The following FAAH2 variants were observed in gnomAD, a reference collection of about 807,000 sequenced individuals.
The protein encoded by FAAH2 is fatty acid amide hydrolase 2.
In FAAH2, 60 loss-of-function variants were observed where a neutral mutation model predicts 36.9. That is an observed-to-expected ratio of 1.63 (90% CI 1.32 to 2.02). The LOEUF (loss-of-function observed/expected upper bound fraction) is 2.02. FAAH2 is among the 30% of genes most tolerant of loss of function. The pLI, the probability that FAAH2 is intolerant of heterozygous loss-of-function variation, is 0.00. For synonymous variants in FAAH2, 214 were observed against 143.8 expected, an observed-to-expected ratio of 1.49 and a Z score of -3.49; for missense variants, 689 against 397.5, an observed-to-expected ratio of 1.73 and a Z score of -6.23.
the FAAH2 span, among the ~76,000 whole-genome samples, chrX:57,161,813 C>T: frequency 9.0e-6 from 1 of 111,691 alleles, no homozygotes; most frequent in Admixed American, 9.5e-5. Context: ...ACTCTTTATC[C>T]AATTTGCCAG....
At chrX:57,172,838 A>G in the FAAH2 span, among the ~76,000 whole-genome samples, 1 of 111,144 alleles carries the variant, frequency 9.0e-6, no homozygotes, top group Non-Finnish European at 1.9e-5. Context: ...ACGTCCAGCC[A>G]CCTATGTGCT....
the FAAH2 span, among the ~76,000 whole-genome samples, chrX:57,219,863 CT>C: frequency 9.9e-3 from 354 of 35,603 alleles, no homozygotes; most frequent in Non-Finnish European, 0.012. Flanking sequence ...AGCGCCTTGT[CT>C]TTTTTTTTTT....
Position 57,286,893 on chromosome X carries a change from T to G in FAAH2, c.68T>G (p.Leu23Ter), listed in dbSNP as rs561586599. The change falls in exon 1 of 11, where the codon TTA (leucine) becomes TGA (stop). Residue 23 changes from leucine to a stop codon, truncating the protein, a stop_gained. Transcript: ENST00000374900. LOFTEE classifies it high-confidence loss of function. ...CGGGCGCTAGGCTTTCTCATAGGCT[T>G]AGTAGGCCGAGCAGCTTTAGTCTTA... is the stretch of plus-strand genomic sequence containing the variant. ...LLRALGFLIG[L>*]VGRAALVLGG... 5.8e-6 allele frequency: 7 copies of G among 1,202,230 alleles called. No individual in the cohort carries two copies. In the East Asian group the frequency reaches 2.1e-4, roughly 36 times the overall value.
At chrX:57,344,087 A>G (rs1385722702) in intron 5 of FAAH2, among the ~76,000 whole-genome samples, 14 of 108,944 alleles carry the variant, frequency 1.3e-4, no homozygotes, top group Admixed American at 1.2e-3. Flanking sequence ...TTGGCTGTTC[A>G]GATGTATTAT....
chrX:57,217,144 ATTTG>A, the FAAH2 span, among the ~76,000 whole-genome samples: 1 of 106,786 alleles, frequency 9.4e-6, no homozygotes, highest in Non-Finnish European at 1.9e-5. Context: ...TTCCTTACTG[ATTTG>A]TTTGAGTTCG....
chrX:57,482,532 C>G (rs868495249), intron 10 of FAAH2, among the ~76,000 whole-genome samples: 2 of 109,824 alleles, frequency 1.8e-5, no homozygotes, highest in Middle Eastern at 4.7e-3. Context: ...TGAGGCAATG[C>G]CCCACCCTGC....
At chrX:57,407,582 TGA>T (rs1602560905) in intron 7 of FAAH2, among the ~76,000 whole-genome samples, 1 of 111,954 alleles carries the variant, frequency 8.9e-6, no homozygotes, top group African/African-American at 3.2e-5. Flanking sequence ...TGTAGCTCTC[TGA>T]GAGTTTTTGG....
At chrX:57,473,998 G>A (rs2057217365) in intron 10 of FAAH2, among the ~76,000 whole-genome samples, 2 of 111,202 alleles carry the variant, frequency 1.8e-5, no homozygotes, top group Admixed American at 9.6e-5. Flanking sequence ...CCATTTACAT[G>A]CAAGATTAAT....
At chrX:57,395,271 T>A in intron 7 of FAAH2, 3 of 654,054 alleles carry the variant, frequency 4.6e-6, no homozygotes, top group Non-Finnish European at 7.5e-6. Flanking sequence ...ATTGGAATCA[T>A]CTCTGTTGCC....
At chrX:57,316,877 A>C (rs982102572) in intron 3 of FAAH2, among the ~76,000 whole-genome samples, 1 of 111,683 alleles carries the variant, frequency 9.0e-6, no homozygotes, top group Non-Finnish European at 1.9e-5. Flanking sequence ...CTAAATGAAA[A>C]ATTTACAAGT....
the FAAH2 span, among the ~76,000 whole-genome samples, chrX:57,268,493 T>C: frequency 9.0e-6 from 1 of 110,830 alleles, no homozygotes; most frequent in African/African-American, 3.3e-5. Flanking sequence ...ATTCAGGAAA[T>C]GCAGAGAACC....
At chrX:57,467,177 C>A (rs1195589831) in intron 10 of FAAH2, among the ~76,000 whole-genome samples, 1 of 111,326 alleles carries the variant, frequency 9.0e-6, no homozygotes, top group Non-Finnish European at 1.9e-5. Flanking sequence ...GCATGAGCGA[C>A]GCAGAAGATG....
chrX:57,472,215 A>G (rs1336233014), intron 10 of FAAH2, among the ~76,000 whole-genome samples: 1 of 112,180 alleles, frequency 8.9e-6, no homozygotes, highest in Non-Finnish European at 1.9e-5. Flanking sequence ...ACCAAAAGCA[A>G]TGGCAACAAA....
chrX:57,443,909 C>A (rs1300667458), intron 8 of FAAH2, among the ~76,000 whole-genome samples: 1 of 112,124 alleles, frequency 8.9e-6, no homozygotes, highest in Non-Finnish European at 1.9e-5. Flanking sequence ...GTATCACCAG[C>A]AGAGGCTGCA....
intron 10 of FAAH2, among the ~76,000 whole-genome samples, chrX:57,481,117 G>T (rs952704626): frequency 1.2e-4 from 13 of 109,551 alleles, no homozygotes; most frequent in Non-Finnish European, 1.7e-4. Flanking sequence ...TCTCTAAGTT[G>T]GTTATTTAAG....
chrX:57,230,838 G>T, the FAAH2 span, among the ~76,000 whole-genome samples: 6 of 111,520 alleles, frequency 5.4e-5, no homozygotes, highest in African/African-American at 2.0e-4. Context: ...TTTATAACTT[G>T]TGTCTGATAA....
the FAAH2 span, among the ~76,000 whole-genome samples, chrX:57,177,064 C>T: frequency 9.0e-6 from 1 of 111,275 alleles, no homozygotes; most frequent in East Asian, 2.8e-4. Context: ...GTTCAGGCTT[C>T]AGGCCAGTAG....
At chrX:57,159,612 G>A in the FAAH2 span, among the ~76,000 whole-genome samples, 2 of 111,112 alleles carry the variant, frequency 1.8e-5, no homozygotes, top group African/African-American at 6.6e-5. Context: ...ATTGTGAATG[G>A]GAGTTCACTC....
At chrX:57,411,787 C>T (rs765253152) in intron 7 of FAAH2, among the ~76,000 whole-genome samples, 1 of 111,720 alleles carries the variant, frequency 9.0e-6, no homozygotes, top group Non-Finnish European at 1.9e-5. Flanking sequence ...AGAGGTGATA[C>T]AGTTAATGGG....
Sources: gnomAD v4.1 joint callset for allele counts (sites outside exome capture counted in the v4.1 genomes callset) on GRCh38, gnomAD v4.1.1 for gene constraint, MANE v1.5 for transcripts, NCBI Gene and HGNC (gene_info 2026-07-23, HGNC 2026-07-21) for gene names.